ADAMTS3: variants seen among roughly 807,000 people sequenced by gnomAD.
ADAMTS3 encodes the protein ADAM metallopeptidase with thrombospondin type 1 motif 3.
A neutral mutation model predicts 129.0 loss-of-function variants in ADAMTS3; 73 were observed. That is an observed-to-expected ratio of 0.57 (90% CI 0.47 to 0.69). The LOEUF (loss-of-function observed/expected upper bound fraction) is 0.69, where lower values mean the gene tolerates loss of function less well. Ranked by LOEUF, ADAMTS3 falls within the 30% of genes least tolerant of loss-of-function variation. The pLI, the probability that ADAMTS3 is intolerant of heterozygous loss-of-function variation, is 0.00. For synonymous variants in ADAMTS3, 477 were observed against 510.8 expected, an observed-to-expected ratio of 0.93 and a Z score of 0.89; for missense variants, 1,457 against 1,514.5, an observed-to-expected ratio of 0.96 and a Z score of 0.63.
chr4:72,568,612 G>T, intron 1 of ADAMTS3, 82 bp downstream of exon 1: 1 of 1,044,034 alleles, frequency 9.6e-7, no homozygotes, highest in South Asian at 1.4e-5. Context: ...AAGGAGGAAA[G>T]AGAGGAGGGT....
intron 3 of ADAMTS3, among the ~76,000 whole-genome samples, chr4:72,473,552 GAA>G (rs765504651): frequency 1.7e-5 from 2 of 117,284 alleles, no homozygotes; most frequent in Non-Finnish European, 3.6e-5. Flanking sequence ...AAACACCACA[GAA>G]AAAAAAAAAA....
intron 3 of ADAMTS3, among the ~76,000 whole-genome samples, chr4:72,424,628 A>G (rs1176935294): frequency 6.6e-6 from 1 of 152,132 alleles, no homozygotes; most frequent in Admixed American, 6.6e-5. Flanking sequence ...CATTATTGTA[A>G]TAACAGTGCA....
intron 3 of ADAMTS3, among the ~76,000 whole-genome samples, chr4:72,525,607 A>G (rs1720785822): frequency 6.6e-6 from 1 of 152,216 alleles, no homozygotes; most frequent in South Asian, 2.1e-4. Context: ...AACTGTAAAG[A>G]ACACAAAATG....
chr4:72,333,343 C>G (rs1211230635), intron 5 of ADAMTS3, among the ~76,000 whole-genome samples: 1 of 152,060 alleles, frequency 6.6e-6, no homozygotes, highest in African/African-American at 2.4e-5. Context: ...GTACCATTAA[C>G]AAACAGAATG....
intron 3 of ADAMTS3, among the ~76,000 whole-genome samples, chr4:72,544,091 TG>T (rs1485066783): frequency 6.6e-6 from 1 of 151,880 alleles, no homozygotes; most frequent in Non-Finnish European, 1.5e-5. Flanking sequence ...ATCTGTTTAC[TG>T]ACACCTATTT....
intron 4 of ADAMTS3, among the ~76,000 whole-genome samples, chr4:72,395,564 G>A (rs1721706084): frequency 6.6e-6 from 1 of 152,158 alleles, no homozygotes. Context: ...AGGGAGTTGG[G>A]AGCCACTAAA....
intron 15 of ADAMTS3, among the ~76,000 whole-genome samples, 169 bp downstream of exon 15, chr4:72,309,228 G>A (rs1719164538): frequency 6.7e-6 from 1 of 149,986 alleles, no homozygotes; most frequent in Admixed American, 6.7e-5. Flanking sequence ...CATTCAAAGT[G>A]ATTTCTTTTT....
At chr4:72,414,712 A>T in intron 4 of ADAMTS3, 103 bp downstream of exon 4, 1 of 923,078 alleles carries the variant, frequency 1.1e-6, no homozygotes, top group Non-Finnish European at 1.5e-6. Context: ...TCTCCGCGTT[A>T]TACAAGAGAA....
At chr4:72,328,858 G>A (rs1043416886) in intron 5 of ADAMTS3, among the ~76,000 whole-genome samples, 2 of 152,062 alleles carry the variant, frequency 1.3e-5, no homozygotes, top group African/African-American at 4.8e-5. Flanking sequence ...ATACTGAAAT[G>A]GACTGAGAAA....
intron 4 of ADAMTS3, among the ~76,000 whole-genome samples, chr4:72,395,427 A>G (rs1021526211): frequency 3.9e-5 from 6 of 152,234 alleles, no homozygotes; most frequent in Non-Finnish European, 8.8e-5. Flanking sequence ...TTGGAAGTTC[A>G]GCAGAACCAA....
At chr4:72,343,946 G>A (rs1720206835) in intron 4 of ADAMTS3, among the ~76,000 whole-genome samples, 1 of 152,070 alleles carries the variant, frequency 6.6e-6, no homozygotes, top group South Asian at 2.1e-4. Context: ...GTTACCTTAG[G>A]AATTACTGAT....
intron 5 of ADAMTS3, among the ~76,000 whole-genome samples, chr4:72,336,997 T>G (rs1720008673): frequency 6.6e-6 from 1 of 152,172 alleles, no homozygotes; most frequent in African/African-American, 2.4e-5. Context: ...CTTAAGTATA[T>G]GCAATTGTAT....
chr4:72,562,427 G>A (rs1721924924), intron 2 of ADAMTS3, among the ~76,000 whole-genome samples: 1 of 152,096 alleles, frequency 6.6e-6, no homozygotes, highest in East Asian at 1.9e-4. Flanking sequence ...ACAACACTGT[G>A]TGGCAACATT....
chr4:72,413,590 T>C (rs1051425891), intron 4 of ADAMTS3, among the ~76,000 whole-genome samples: 1 of 152,006 alleles, frequency 6.6e-6, no homozygotes, highest in Non-Finnish European at 1.5e-5. Context: ...CTAGCATTCA[T>C]TAAGCACCTA....
At chr4:72,427,085 T>C (rs1722592306) in intron 3 of ADAMTS3, among the ~76,000 whole-genome samples, 1 of 152,146 alleles carries the variant, frequency 6.6e-6, no homozygotes, top group African/African-American at 2.4e-5. Flanking sequence ...CTTTCAGTTC[T>C]GTAGATCAGA....
chr4:72,375,285 G>T (rs1467718989), intron 4 of ADAMTS3, among the ~76,000 whole-genome samples: 1 of 152,112 alleles, frequency 6.6e-6, no homozygotes, highest in Admixed American at 6.6e-5. Context: ...ACAAGGAATT[G>T]CCCCCAGGCC....
At chr4:72,527,147 C>G (rs1720837742) in intron 3 of ADAMTS3, among the ~76,000 whole-genome samples, 1 of 152,092 alleles carries the variant, frequency 6.6e-6, no homozygotes, top group Non-Finnish European at 1.5e-5. Context: ...TTATCTCAGA[C>G]AGCCCTGACA....
chr4:72,429,297 T>G (rs957128840), intron 3 of ADAMTS3, among the ~76,000 whole-genome samples: 2 of 152,076 alleles, frequency 1.3e-5, no homozygotes, highest in Non-Finnish European at 2.9e-5. Flanking sequence ...GCTAAAGATA[T>G]AGTAAGTCCT....
In ADAMTS3 at chr4:72,313,786, T is replaced by C. The variant is rs748748836; in HGVS notation, c.1636A>G (p.Asn546Asp). The C allele has an allele frequency of 1.7e-5, 27 of 1,613,710 alleles. No homozygotes were observed. Among genetic ancestry groups the C allele is most frequent in the Non-Finnish European group, 2.2e-5 (26 of 1,179,846 alleles). The change falls in exon 12 of 22, where the codon AAT becomes GAT. Residue 546 changes from asparagine to aspartate, a missense_variant. By Grantham distance (23) the Asn-to-Asp change is conservative (BLOSUM62 1). Coordinates refer to ENST00000286657, the MANE Select transcript of ADAMTS3 (RefSeq NM_014243.3). ...YKGHCMWKNA[N>D]QQKQDGNWGS... ...CAATTGCCATCTTGTTTTTGCTGAT[T>C]AGCATTCTTCCACATGCAATGACCC...
Sources: allele counts gnomAD v4.1 joint callset (sites outside exome capture counted in the v4.1 genomes callset), GRCh38; gene constraint gnomAD v4.1.1; transcripts MANE v1.5; gene names NCBI Gene and HGNC (gene_info 2026-07-23, HGNC 2026-07-21).